SLC38A12: variants seen among roughly 807,000 people sequenced by gnomAD.
SLC38A12 encodes the protein solute carrier family 38 member 12.
chr17:74,783,530 T>G, the SLC38A12 span, among the ~76,000 whole-genome samples: 38 of 152,118 alleles, frequency 2.5e-4, no homozygotes, highest in Admixed American at 2.5e-3. Flanking sequence ...TTTGGTCCTG[T>G]GTCAGGTATT....
the SLC38A12 span, chr17:74,838,715 G>A: frequency 2.4e-5 from 35 of 1,440,162 alleles, no homozygotes; most frequent in Non-Finnish European, 3.0e-5. Context: ...CTCCATCGAT[G>A]CCAGGCTTCT....
At chr17:74,825,829 A>C in the SLC38A12 span, among the ~76,000 whole-genome samples, 1 of 152,122 alleles carries the variant, frequency 6.6e-6, no homozygotes. Context: ...GTGAGTCTTA[A>C]CCTTGCAGCA....
At chr17:74,809,110 G>A in the SLC38A12 span, among the ~76,000 whole-genome samples, 1 of 152,192 alleles carries the variant, frequency 6.6e-6, no homozygotes, top group African/African-American at 2.4e-5. Flanking sequence ...ACAAACCTCA[G>A]GTCCCTAACT....
At chr17:74,802,752 C>G in the SLC38A12 span, among the ~76,000 whole-genome samples, 2 of 152,292 alleles carry the variant, frequency 1.3e-5, no homozygotes, top group East Asian at 3.9e-4. Context: ...GATTTTGGAG[C>G]ATTTCAGGTG....
the SLC38A12 span, chr17:74,836,424 C>G: frequency 6.2e-7 from 1 of 1,609,592 alleles, no homozygotes; most frequent in African/African-American, 1.3e-5. The surrounding 1 kb of genome is among the most constrained non-coding windows in gnomAD (Gnocchi z 4.2). Context: ...GCCGCCTGTG[C>G]TGGTGGCCTT....
chr17:74,837,580 C>T, the SLC38A12 span: 2 of 985,484 alleles, frequency 2.0e-6, no homozygotes, highest in Non-Finnish European at 2.4e-6. Context: ...CCCACCCTGA[C>T]AATGGTCAGG....
chr17:74,819,932 C>T, the SLC38A12 span: 18 of 1,215,684 alleles, frequency 1.5e-5, no homozygotes, highest in South Asian at 1.4e-4. Flanking sequence ...GGCCCCCAGC[C>T]GTAGCTGGAG....
At chr17:74,788,580 C>T in the SLC38A12 span, among the ~76,000 whole-genome samples, 16 of 152,322 alleles carry the variant, frequency 1.1e-4, no homozygotes, top group African/African-American at 3.1e-4. Context: ...CTCTCTCTCT[C>T]GTGCACCGGA....
At chr17:74,809,085 C>T in the SLC38A12 span, among the ~76,000 whole-genome samples, 2 of 152,136 alleles carry the variant, frequency 1.3e-5, no homozygotes, top group South Asian at 2.1e-4. Flanking sequence ...CCCAGAGCTC[C>T]GGTAAAGATA....
chr17:74,805,995 C>G, the SLC38A12 span, among the ~76,000 whole-genome samples: 2 of 152,224 alleles, frequency 1.3e-5, no homozygotes, highest in Admixed American at 1.3e-4. The surrounding 1 kb of genome is among the most constrained non-coding windows in gnomAD (Gnocchi z 5.0). Context: ...ACTGGAGACG[C>G]AAGCGGCCTC....
At chr17:74,795,871 C>A in the SLC38A12 span, among the ~76,000 whole-genome samples, 1 of 152,198 alleles carries the variant, frequency 6.6e-6, no homozygotes, top group African/African-American at 2.4e-5. Flanking sequence ...GGAGTAGGCA[C>A]TCAGGTCATA....
the SLC38A12 span, among the ~76,000 whole-genome samples, chr17:74,831,155 C>G: frequency 6.6e-6 from 1 of 152,242 alleles, no homozygotes; most frequent in African/African-American, 2.4e-5. Flanking sequence ...TTCCCTCAGG[C>G]TTGGCCGCCT....
At chr17:74,836,853 C>T in the SLC38A12 span, 1 of 1,413,866 alleles carries the variant, frequency 7.1e-7, no homozygotes, top group Non-Finnish European at 9.2e-7. This position sits in a 1 kb window ranked among gnomAD's most constrained non-coding sequence, Gnocchi z 4.2. Flanking sequence ...ACCCACCTTC[C>T]ACCCAGTCTG....
chr17:74,836,235 G>A, the SLC38A12 span: 208 of 1,611,474 alleles, frequency 1.3e-4, no homozygotes, highest in Non-Finnish European at 1.5e-4. The surrounding 1 kb of genome is among the most constrained non-coding windows in gnomAD (Gnocchi z 4.2). Context: ...GCGCTGTGAC[G>A]TCGTGGGCCT....
the SLC38A12 span, among the ~76,000 whole-genome samples, chr17:74,821,066 G>C: frequency 6.6e-6 from 1 of 152,238 alleles, no homozygotes; most frequent in African/African-American, 2.4e-5. Context: ...GGGACAGGGT[G>C]GCCTCCGGGG....
At chr17:74,808,572 C>A in the SLC38A12 span, among the ~76,000 whole-genome samples, 1 of 152,168 alleles carries the variant, frequency 6.6e-6, no homozygotes, top group African/African-American at 2.4e-5. Flanking sequence ...GCAGAGCCTT[C>A]TCTGGAATGA....
At chr17:74,803,914 TTTC>T in the SLC38A12 span, among the ~76,000 whole-genome samples, 1 of 152,282 alleles carries the variant, frequency 6.6e-6, no homozygotes, top group African/African-American at 2.4e-5. Flanking sequence ...TTTTTATTTT[TTTC>T]TTCATTTCAC....
chr17:74,782,435 T>C, the SLC38A12 span, among the ~76,000 whole-genome samples: 1 of 152,132 alleles, frequency 6.6e-6, no homozygotes, highest in Non-Finnish European at 1.5e-5. Flanking sequence ...AAGGGCCGTA[T>C]CTGTCTGGTT....
At chr17:74,833,772 C>T in the SLC38A12 span, among the ~76,000 whole-genome samples, 1 of 152,318 alleles carries the variant, frequency 6.6e-6, no homozygotes, top group African/African-American at 2.4e-5. Flanking sequence ...TGGGCAGGGC[C>T]AAGTGCCAGG....
Sources: gnomAD v4.1 joint callset for allele counts (sites outside exome capture counted in the v4.1 genomes callset) on GRCh38, gnomAD v4.1.1 for gene constraint, Gnocchi (gnomAD v3.1) non-coding constraint, MANE v1.5 for transcripts, NCBI Gene and HGNC (gene_info 2026-07-23, HGNC 2026-07-21) for gene names.